KDM2B: variants seen among roughly 807,000 people sequenced by gnomAD.
The protein encoded by KDM2B is lysine-specific demethylase 2B.
KDM2B carries 26 observed loss-of-function variants against 150.0 expected under a neutral mutation model. That is an observed-to-expected ratio of 0.17 (90% confidence interval 0.13 to 0.24). The LOEUF (loss-of-function observed/expected upper bound fraction) is 0.24, where lower values mean the gene tolerates loss of function less well. KDM2B is among the 10% of genes least tolerant of loss of function. The probability of loss-of-function intolerance (pLI) is 1.00; values close to 1 mark genes in which losing one functional copy is unlikely to be tolerated. For missense variants in KDM2B, 1,265 were observed against 1,816.9 expected (o/e 0.70, Z 5.52); for synonymous variants, 734 against 729.5 (o/e 1.01, Z -0.10).
chr12:121,413,218 C>T, the KDM2B span, among the ~76,000 whole-genome samples: 6 of 150,868 alleles, frequency 4.0e-5, no homozygotes, highest in African/African-American at 1.5e-4. Context: ...GTAGAGACGG[C>T]GTTTCGCCAT....
In KDM2B at chr12:121,443,669, C is replaced by T. The variant is rs1555289206; in HGVS notation, c.2565+11G>A. 3.2e-6 allele frequency: 5 copies of T among 1,575,842 alleles called. No individual in the cohort carries two copies. The highest frequency in any genetic ancestry group is 1.7e-5 in the Admixed American group (1 of 59,992). On this transcript the variant is annotated intron_variant, in intron 17 of 22. Transcript: ENST00000377071. ...CCCGGGGCCTCAGGAGGGCGTGCGTCGTGGGAGCACCTGCTGCTGGAAGTA... is the reference window on the plus strand; with the variant it reads ...CCCGGGGCCTCAGGAGGGCGTGCGTTGTGGGAGCACCTGCTGCTGGAAGTA...
chr12:121,500,795 T>G (rs1884467006), intron 11 of KDM2B, among the ~76,000 whole-genome samples: 1 of 152,132 alleles, frequency 6.6e-6, no homozygotes, highest in South Asian at 2.1e-4. Context: ...TAGCTTGAAT[T>G]GTGTCCCAAA....
chr12:121,517,447 C>T (rs1390006973), intron 9 of KDM2B, among the ~76,000 whole-genome samples: 1 of 151,094 alleles, frequency 6.6e-6, no homozygotes, highest in African/African-American at 2.4e-5. Context: ...CACCTTGGGC[C>T]ACAAAGGCAA....
chr12:121,539,889 A>G (rs1328255603), intron 6 of KDM2B, among the ~76,000 whole-genome samples: 2 of 151,986 alleles, frequency 1.3e-5, no homozygotes, highest in Non-Finnish European at 2.9e-5. Context: ...CCAGGGGCAC[A>G]CCACTACACC....
chr12:121,454,983 A>G (rs10849888), intron 12 of KDM2B, among the ~76,000 whole-genome samples: 65,705 of 151,968 alleles, frequency 0.43, 15,584 homozygotes, highest in South Asian at 0.61. Flanking sequence ...CTTTCTCCTC[A>G]AATACAGCCT....
At chr12:121,496,110 A>C (rs972768391) in intron 11 of KDM2B, among the ~76,000 whole-genome samples, 3 of 152,120 alleles carry the variant, frequency 2.0e-5, no homozygotes, top group Admixed American at 2.0e-4. Context: ...AGAAAGGCTC[A>C]CAGGATTTTA....
intron 14 of KDM2B, 111 bp downstream of exon 14, chr12:121,445,164 G>A: frequency 7.7e-7 from 1 of 1,296,750 alleles, no homozygotes; most frequent in Non-Finnish European, 1.1e-6. Context: ...CAGACTCAGG[G>A]GTCCTCCAGG....
intron 2 of KDM2B, among the ~76,000 whole-genome samples, chr12:121,577,815 A>G (rs1891608473): frequency 6.6e-6 from 1 of 152,100 alleles, no homozygotes; most frequent in Non-Finnish European, 1.5e-5. Flanking sequence ...CGCAGGCAAT[A>G]CTAGGTTCCT....
At position 121,430,256 on chromosome 12, in the gene KDM2B, G is replaced by T. The variant is rs1872785509; in HGVS notation, c.*32C>A. 6.2e-7 allele frequency: 1 copy of T among 1,613,704 alleles called. No homozygotes were observed. The highest frequency in any genetic ancestry group is 8.5e-7 in the Non-Finnish European group (1 of 1,179,712). ...TTTGTAAAGTCTCTCCCCTCCCAGA[G>T]CCCGCCCCGTATTTACATACTTATC... On this transcript the variant is annotated 3_prime_UTR_variant, in exon 23 of 23. Coordinates refer to ENST00000377071, the MANE Select transcript of KDM2B (RefSeq NM_032590.5). The surrounding 1 kb of genome is among the most constrained non-coding windows in gnomAD (Gnocchi z 4.4).
chr12:121,563,503 A>G (rs1247268316), intron 4 of KDM2B, among the ~76,000 whole-genome samples: 4 of 151,950 alleles, frequency 2.6e-5, no homozygotes, highest in African/African-American at 9.7e-5. Context: ...GCTACTCGGG[A>G]GGCTGAGGCA....
chr12:121,525,077 C>T (rs1403818645), intron 8 of KDM2B, among the ~76,000 whole-genome samples: 2 of 152,212 alleles, frequency 1.3e-5, no homozygotes, highest in Non-Finnish European at 2.9e-5. Context: ...CACAACCCAA[C>T]CGGACCCTGG....
At chr12:121,517,044 GA>G (rs1203172346) in intron 9 of KDM2B, among the ~76,000 whole-genome samples, 8 of 152,146 alleles carry the variant, frequency 5.3e-5, no homozygotes, top group South Asian at 2.1e-4. Flanking sequence ...GGGAGGGGGG[GA>G]AAGATAAATA....
chr12:121,576,888 G>A (rs1891530020), intron 2 of KDM2B, among the ~76,000 whole-genome samples: 1 of 152,182 alleles, frequency 6.6e-6, no homozygotes, highest in Non-Finnish European at 1.5e-5. Context: ...AGCCTTGGGG[G>A]AGGAGGAGGC....
chr12:121,463,619 C>T (rs1219351728), intron 12 of KDM2B, among the ~76,000 whole-genome samples: 6 of 152,206 alleles, frequency 3.9e-5, no homozygotes, highest in African/African-American at 7.2e-5. Context: ...CTTACTCTGT[C>T]ACCCAAGCTG....
intron 10 of KDM2B, among the ~76,000 whole-genome samples, chr12:121,511,586 G>C (rs1472183962): frequency 2.6e-5 from 4 of 152,160 alleles, no homozygotes; most frequent in Non-Finnish European, 5.9e-5. Flanking sequence ...GCGCCCGGTG[G>C]TGCTAGGATT....
rs1555311268 is a variant in KDM2B at position 121,548,924 on chromosome 12, T to C, written c.636A>G (p.Thr212=). 6.2e-7 allele frequency: 1 copy of C among 1,614,256 alleles called. No individual in the cohort carries two copies. The highest frequency in any genetic ancestry group is 2.2e-5 in the East Asian group (1 of 44,890). The change falls in exon 6 of 23, where the codon ACA becomes ACG. Residue 212 remains threonine, a synonymous_variant. Transcript: ENST00000377071. ...TCTCTGCAATGGCGTTCGTGGCTTC[T>C]GTCTGCTTCTCCTTCAGATGCTGGG... ...MWPQHLKEKQ[T]EATNAIAEMK...
rs1211597174 is a variant in KDM2B at position 121,513,111 on chromosome 12, G to A, written c.1174+165C>T. Among the ~76,000 whole-genome samples, 1 of 152,220 alleles carries A rather than the reference G, an allele frequency of 6.6e-6. No individual in the cohort carries two copies. Among genetic ancestry groups the A allele is most frequent in the African/African-American group, 2.4e-5 (1 of 41,456 alleles). On this transcript the variant is annotated intron_variant, in intron 10 of 22. Coordinates refer to ENST00000377071, the MANE Select transcript of KDM2B (RefSeq NM_032590.5). The surrounding 1 kb of genome is among the most constrained non-coding windows in gnomAD (Gnocchi z 5.0). Reference sequence around the variant, plus strand: ...TTTCTTGGACTCTGTATTCCAGGTGGGAAACTGGCAAGAATGGCTTCCCCT... The same window carrying A: ...TTTCTTGGACTCTGTATTCCAGGTGAGAAACTGGCAAGAATGGCTTCCCCT...
At chr12:121,411,595 G>T in the KDM2B span, among the ~76,000 whole-genome samples, 1 of 152,010 alleles carries the variant, frequency 6.6e-6, no homozygotes, top group Non-Finnish European at 1.5e-5. Flanking sequence ...TGAGATTTTT[G>T]GTTTTCTTTA....
At chr12:121,523,620 G>A (rs1240773143) in intron 8 of KDM2B, among the ~76,000 whole-genome samples, 3 of 152,202 alleles carry the variant, frequency 2.0e-5, no homozygotes, top group Non-Finnish European at 2.9e-5. Context: ...CACAGACTGC[G>A]GGGCCACTGC....
Sources: gnomAD v4.1 joint callset for allele counts (sites outside exome capture counted in the v4.1 genomes callset) on GRCh38, gnomAD v4.1.1 for gene constraint, Gnocchi (gnomAD v3.1) non-coding constraint, MANE v1.5 for transcripts, NCBI Gene and HGNC (gene_info 2026-07-23, HGNC 2026-07-21) for gene names.